Variants in CCL28 observed in about 807,000 individuals in gnomAD.
CCL28 encodes C-C motif chemokine 28.
CCL28 carries 4 observed loss-of-function variants against 7.1 expected under a neutral mutation model. That is an observed-to-expected ratio of 0.56 (90% CI 0.28 to 1.29). CCL28 has a LOEUF of 1.29. Ranked by LOEUF, CCL28 falls within the 50% of genes most tolerant of loss-of-function variation. CCL28 has a pLI of 0.11. For synonymous variants in CCL28, 55 were observed against 57.8 expected (o/e 0.95, Z 0.22); for missense variants, 151 against 163.4 (o/e 0.92, Z 0.41).
At chr5:43,407,174 A>G (rs1309886464) in intron 1 of CCL28, among the ~76,000 whole-genome samples, 1 of 152,188 alleles carries the variant, frequency 6.6e-6, no homozygotes, top group Non-Finnish European at 1.5e-5. Flanking sequence ...AAAGGAGCCC[A>G]CGTTGCCAAG....
chr5:43,377,747 T>TTTTTTA, downstream of CCL28, among the ~76,000 whole-genome samples: 3 of 121,248 alleles, frequency 2.5e-5, no homozygotes, highest in African/African-American at 1.0e-4. Flanking sequence ...TTTTTTTTTT[T>TTTTTTA]TTTGAGACGG....
downstream of CCL28, among the ~76,000 whole-genome samples, chr5:43,378,288 T>C (rs981424856): frequency 4.6e-5 from 7 of 151,904 alleles, no homozygotes; most frequent in African/African-American, 1.5e-4. Context: ...GAGGTCAAGA[T>C]TGCAATAAGC....
At position 43,381,976 on chromosome 5, in the gene CCL28, C is replaced by T. The variant is rs1462931979; in HGVS notation, c.268G>A (p.Ala90Thr). 1 of 1,614,174 alleles carries T rather than the reference C, an allele frequency of 6.2e-7. No homozygotes were observed. Among genetic ancestry groups the T allele is most frequent in the Non-Finnish European group, 8.5e-7 (1 of 1,180,034 alleles). ...TVKQWMKVQAAKKNGKGNVCH... is the reference protein window; with the variant it reads ...TVKQWMKVQATKKNGKGNVCH... ...ACATTTCCTTTACCATTTTTCTTGG[C>T]AGCTTGCACTTTCATCCACTGCTTA... is the stretch of plus-strand genomic sequence containing the variant. The change falls in exon 3 of 3, where the codon GCC (alanine) becomes ACC (threonine). Residue 90 changes from alanine to threonine, a missense_variant. By Grantham distance (58) the Ala-to-Thr change is moderately conservative (BLOSUM62 0). Transcript: ENST00000361115.
intron 1 of CCL28, among the ~76,000 whole-genome samples, chr5:43,392,260 G>A (rs1740604204): frequency 6.6e-6 from 1 of 152,142 alleles, no homozygotes; most frequent in East Asian, 1.9e-4. Context: ...GGAATTAAAG[G>A]TGTGTGCCAA....
chr5:43,404,003 A>G (rs972165366), intron 1 of CCL28, among the ~76,000 whole-genome samples: 14 of 152,336 alleles, frequency 9.2e-5, no homozygotes, highest in Admixed American at 3.3e-4. Context: ...GAAATATGGG[A>G]CTATGTGAAA....
the CCL28 span, among the ~76,000 whole-genome samples, chr5:43,364,950 G>A: frequency 6.7e-6 from 1 of 148,884 alleles, no homozygotes; most frequent in Non-Finnish European, 1.5e-5. Context: ...GCCTATGTGT[G>A]TCTCTGCATG....
At chr5:43,401,515 G>A (rs1016920817) in intron 1 of CCL28, among the ~76,000 whole-genome samples, 2 of 152,182 alleles carry the variant, frequency 1.3e-5, no homozygotes, top group Non-Finnish European at 2.9e-5. Context: ...GTTACTAGCT[G>A]ACCTTGGGTG....
chr5:43,369,419 T>G, the CCL28 span, among the ~76,000 whole-genome samples: 3 of 151,986 alleles, frequency 2.0e-5, no homozygotes, highest in Non-Finnish European at 4.4e-5. Context: ...TTTTTAAATT[T>G]TATTTCTTTT....
At chr5:43,369,747 T>C in the CCL28 span, among the ~76,000 whole-genome samples, 1 of 152,148 alleles carries the variant, frequency 6.6e-6, no homozygotes, top group Non-Finnish European at 1.5e-5. Flanking sequence ...ATTTTAAGTG[T>C]CCACATGTGG....
At chr5:43,398,277 G>A (rs530371198) in intron 1 of CCL28, among the ~76,000 whole-genome samples, 10 of 152,212 alleles carry the variant, frequency 6.6e-5, no homozygotes, top group African/African-American at 2.4e-4. Context: ...GTGCTGGAGT[G>A]CAGTAGTACA....
At chr5:43,395,519 A>G (rs914701140) in intron 1 of CCL28, among the ~76,000 whole-genome samples, 1 of 152,072 alleles carries the variant, frequency 6.6e-6, no homozygotes, top group African/African-American at 2.4e-5. Context: ...TCTACAAAAA[A>G]TTTAAAAGAT....
the CCL28 span, among the ~76,000 whole-genome samples, chr5:43,358,264 C>T: frequency 5.3e-5 from 8 of 152,150 alleles, no homozygotes; most frequent in Non-Finnish European, 1.0e-4. Context: ...TAGAATCAGG[C>T]AACACCTCAT....
the CCL28 span, among the ~76,000 whole-genome samples, chr5:43,368,319 G>A: frequency 7.0e-4 from 107 of 152,250 alleles, no homozygotes; most frequent in Non-Finnish European, 9.0e-4. Context: ...CTAGTTGCCC[G>A]CAATATCCTT....
chr5:43,358,319 T>C, the CCL28 span, among the ~76,000 whole-genome samples: 4 of 152,138 alleles, frequency 2.6e-5, no homozygotes, highest in African/African-American at 9.7e-5. Flanking sequence ...ACAGAGGAAA[T>C]TGGCTTTATA....
At position 43,407,555 on chromosome 5, in the gene CCL28, T is replaced by C. The variant is rs564428934; in HGVS notation, c.64+4698A>G. On this transcript the variant is annotated intron_variant, in intron 1 of 2. Coordinates refer to ENST00000361115, the MANE Select transcript of CCL28 (RefSeq NM_148672.3). The stretch of plus-strand genomic sequence containing the variant: ...CATGAAAACCCTAGAAGAAAGCCTA[T>C]GCAATACCATACATGCCATAGGCAT... 1.1e-3 allele frequency among the ~76,000 whole-genome samples: 165 copies of C among 152,300 alleles called. 1 individual carries two copies. The highest frequency in any genetic ancestry group is 6.8e-3 in the Middle Eastern group (2 of 294).
chr5:43,408,943 T>G (rs910990092), intron 1 of CCL28, among the ~76,000 whole-genome samples: 3 of 150,838 alleles, frequency 2.0e-5, no homozygotes, highest in Non-Finnish European at 4.4e-5. Flanking sequence ...CAGGCTGAAG[T>G]GCAGTGGTGC....
the CCL28 span, among the ~76,000 whole-genome samples, chr5:43,369,552 G>A: frequency 1.3e-5 from 2 of 152,122 alleles, no homozygotes; most frequent in South Asian, 2.1e-4. Context: ...AGCCTCCCAA[G>A]TAGCTGGGAT....
intron 1 of CCL28, among the ~76,000 whole-genome samples, chr5:43,402,670 A>G (rs1462021866): frequency 1.3e-5 from 2 of 152,180 alleles, no homozygotes; most frequent in African/African-American, 4.8e-5. Flanking sequence ...CTTGTCAGAC[A>G]GTGGGTGCAG....
intron 1 of CCL28, chr5:43,397,328 G>GTTT: frequency 6.8e-6 from 1 of 147,608 alleles, no homozygotes; most frequent in Non-Finnish European, 1.5e-5. Context: ...ACCCTTACTA[G>GTTT]TTTTTTTTTT....
Sources: gnomAD v4.1 joint callset for allele counts (sites outside exome capture counted in the v4.1 genomes callset) on GRCh38, gnomAD v4.1.1 for gene constraint, MANE v1.5 for transcripts, NCBI Gene and HGNC (gene_info 2026-07-23, HGNC 2026-07-21) for gene names.